The following NEO1 variants were observed in gnomAD, a reference collection of about 807,000 sequenced individuals.
NEO1 encodes neogenin 1.
A neutral mutation model predicts 159.7 loss-of-function variants in NEO1; 63 were observed. That is an observed-to-expected ratio of 0.39 (90% CI 0.32 to 0.49). NEO1 has a LOEUF of 0.49. Among genes scored for constraint, NEO1 ranks in the 20% least tolerant of loss-of-function variants. The probability of loss-of-function intolerance (pLI) is 0.85; values close to 1 mark genes in which losing one functional copy is unlikely to be tolerated. For synonymous variants in NEO1, 633 were observed against 662.0 expected (o/e 0.96, Z 0.67); for missense variants, 1,615 against 1,831.0 (o/e 0.88, Z 2.15).
intron 25 of NEO1, among the ~76,000 whole-genome samples, chr15:73,292,386 T>G (rs770040795): frequency 2.6e-5 from 4 of 152,210 alleles, no homozygotes; most frequent in African/African-American, 4.8e-5. Context: ...TTCCCAGTAT[T>G]GTTAGTCAGC....
chr15:73,290,176 A>G (rs942819088), intron 25 of NEO1, among the ~76,000 whole-genome samples: 1 of 150,788 alleles, frequency 6.6e-6, no homozygotes, highest in Non-Finnish European at 1.5e-5. Context: ...TAAAAATAAA[A>G]TTAGTAGACT....
chr15:73,268,238 TTAAA>T (rs1344139376), intron 16 of NEO1, among the ~76,000 whole-genome samples: 12 of 152,186 alleles, frequency 7.9e-5, no homozygotes, highest in African/African-American at 2.7e-4. Context: ...GAAAAAGTAT[TTAAA>T]TAAGTGGTCT....
upstream of NEO1, chr15:73,051,928 C>G (rs943748783): frequency 1.3e-5 from 2 of 152,534 alleles, no homozygotes; most frequent in African/African-American, 4.8e-5. Flanking sequence ...GCCGGCCTCC[C>G]GGACCAGCCT....
At chr15:73,289,062 C>T in intron 24 of NEO1, 84 bp from the exon 25 acceptor site, 3 of 985,376 alleles carry the variant, frequency 3.0e-6, no homozygotes, top group Non-Finnish European at 4.8e-6. Flanking sequence ...AATTCTGAAT[C>T]CCCTACTAGA....
chr15:73,070,781 C>T (rs1595907009), intron 1 of NEO1, among the ~76,000 whole-genome samples: 1 of 152,288 alleles, frequency 6.6e-6, no homozygotes, highest in South Asian at 2.1e-4. Context: ...TGTTCTGTCT[C>T]TCTGTCTCAC....
At chr15:73,273,654 T>A (rs2041277299) in intron 19 of NEO1, among the ~76,000 whole-genome samples, 157 bp from the exon 20 acceptor site, 1 of 152,182 alleles carries the variant, frequency 6.6e-6, no homozygotes, top group African/African-American at 2.4e-5. Flanking sequence ...ATTCCTGGTT[T>A]TCAAAACTGA....
At chr15:73,096,760 A>G (rs2070063818) in intron 1 of NEO1, among the ~76,000 whole-genome samples, 1 of 152,110 alleles carries the variant, frequency 6.6e-6, no homozygotes, top group Non-Finnish European at 1.5e-5. Context: ...TAAAGTCCTG[A>G]TTTGGCTTCT....
chr15:73,181,648 T>A (rs1436652623), intron 7 of NEO1, among the ~76,000 whole-genome samples: 2 of 151,846 alleles, frequency 1.3e-5, no homozygotes, highest in Non-Finnish European at 2.9e-5. Context: ...CACACACTTT[T>A]AAACAACCAG....
intron 1 of NEO1, among the ~76,000 whole-genome samples, chr15:73,075,318 T>C (rs141787895): frequency 1.3e-5 from 2 of 152,316 alleles, no homozygotes; most frequent in African/African-American, 4.8e-5. Flanking sequence ...TGTTGCTTGA[T>C]ACTGTGTTAT....
intron 27 of NEO1, among the ~76,000 whole-genome samples, chr15:73,299,490 A>T (rs2042521055): frequency 6.6e-6 from 1 of 151,644 alleles, no homozygotes; most frequent in Admixed American, 6.6e-5. Flanking sequence ...GGTTCACGCC[A>T]TTCTCCTGCC....
intron 7 of NEO1, among the ~76,000 whole-genome samples, chr15:73,227,833 G>A (rs2038677966): frequency 6.6e-6 from 1 of 152,194 alleles, no homozygotes; most frequent in Non-Finnish European, 1.5e-5. Flanking sequence ...AGCAAATCAA[G>A]AGCACATCCT....
At chr15:73,174,661 A>G (rs765017211) in intron 5 of NEO1, among the ~76,000 whole-genome samples, 8 of 152,230 alleles carry the variant, frequency 5.3e-5, no homozygotes, top group Non-Finnish European at 1.2e-4. Context: ...GTCCATATCC[A>G]CTACTGCAAA....
At chr15:73,196,171 G>C (rs976995379) in intron 7 of NEO1, among the ~76,000 whole-genome samples, 1 of 152,138 alleles carries the variant, frequency 6.6e-6, no homozygotes, top group African/African-American at 2.4e-5. Flanking sequence ...CCACTGCTGT[G>C]GTAGGTGCGT....
Position 73,254,790 on chromosome 15 carries a change from A to G in NEO1, c.2053A>G (p.Thr685Ala), listed in dbSNP as rs749435607. The stretch of plus-strand genomic sequence containing the variant: ...CTCCCGAAAGAGTGATGTCACTGAG[A>G]CCTTGGTAAGCGGGACACAGCTGTC... ...KASRKSDVTE[T>A]LVSGTQLSQL... is the part of the protein sequence containing the mutation. Residue 685 changes from threonine (T) to alanine (A), a missense_variant, in exon 13 of 29, where the codon ACC becomes GCC. Physicochemically the swap from Thr to Ala is moderately conservative, Grantham distance 58. Coordinates refer to ENST00000261908, the MANE Select transcript of NEO1 (RefSeq NM_002499.4). The G allele has an allele frequency of 5.6e-6, 9 of 1,613,944 alleles. No individual in the cohort carries two copies. The highest frequency in any genetic ancestry group is 1.7e-5 in the Admixed American group (1 of 59,976).
intron 16 of NEO1, among the ~76,000 whole-genome samples, chr15:73,267,322 A>G (rs1303824757): frequency 6.6e-6 from 1 of 152,206 alleles, no homozygotes; most frequent in Non-Finnish European, 1.5e-5. Flanking sequence ...TTTTCTATAG[A>G]TATATAAGAC....
At chr15:73,063,428 A>G (rs1265358595) in intron 1 of NEO1, among the ~76,000 whole-genome samples, 1 of 151,870 alleles carries the variant, frequency 6.6e-6, no homozygotes, top group African/African-American at 2.4e-5. Context: ...TGGAGAGGCT[A>G]GCTAAAAATA....
chr15:73,240,932 C>T (rs1020442296), intron 8 of NEO1, among the ~76,000 whole-genome samples: 1 of 152,140 alleles, frequency 6.6e-6, no homozygotes, highest in Non-Finnish European at 1.5e-5. Flanking sequence ...TTAATCTTAT[C>T]GGCTTAAATT....
intron 7 of NEO1, 89 bp downstream of exon 7, chr15:73,178,516 C>T: frequency 1.4e-6 from 2 of 1,463,830 alleles, no homozygotes; most frequent in Non-Finnish European, 1.9e-6. Flanking sequence ...ATTGATAACC[C>T]ATTAGTAAAG....
In NEO1 at chr15:73,136,031, T is replaced by G. The variant is rs1167865824; in HGVS notation, c.1015+4T>G. ...CAAGCAGAGCTTACAGTGCAAGGTA[T>G]GTAAATATTTACTGTATAATTTAAA... On this transcript the variant is annotated splice_donor_region_variant and intron_variant, in intron 5 of 28. Transcript: ENST00000261908. 1 of 1,590,768 alleles carries G rather than the reference T, an allele frequency of 6.3e-7. No individual in the cohort carries two copies. Among genetic ancestry groups the G allele is most frequent in the Admixed American group, 1.8e-5 (1 of 54,666 alleles).
Sources: gnomAD v4.1 joint callset for allele counts (sites outside exome capture counted in the v4.1 genomes callset) on GRCh38, gnomAD v4.1.1 for gene constraint, MANE v1.5 for transcripts, NCBI Gene and HGNC (gene_info 2026-07-23, HGNC 2026-07-21) for gene names.